CDH13: variants seen among roughly 807,000 people sequenced by gnomAD.
The protein encoded by CDH13 is cadherin-13.
CDH13 carries 24 observed loss-of-function variants against 63.8 expected under a neutral mutation model. The ratio of observed to expected loss-of-function variants is 0.38; its 90% confidence interval spans 0.27 to 0.53. CDH13 has a LOEUF of 0.53. CDH13 is among the 20% of genes least tolerant of loss of function. The pLI is 0.85. For missense variants in CDH13, 1,049 were observed against 903.1 expected (o/e 1.16, Z -2.07); for synonymous variants, 503 against 355.3 (o/e 1.42, Z -4.67).
intron 2 of CDH13, among the ~76,000 whole-genome samples, chr16:83,014,808 ATATATTTGTATATATATATTTG>A (rs1354802712): frequency 4.1e-4 from 33 of 80,728 alleles, no homozygotes; most frequent in East Asian, 2.4e-3. Flanking sequence ...ATATATGTAT[ATATATTTGTATATATATATTTG>A]TATATATATT....
intron 9 of CDH13, among the ~76,000 whole-genome samples, chr16:83,677,100 A>T (rs1915016541): frequency 1.3e-5 from 2 of 152,216 alleles, no homozygotes; most frequent in African/African-American, 4.8e-5. Flanking sequence ...TGATAGAAGC[A>T]GTATGCCCTC....
At chr16:83,602,098 G>GAA (rs1907866119) in intron 7 of CDH13, among the ~76,000 whole-genome samples, 1 of 6,638 alleles carries the variant, frequency 1.5e-4, no homozygotes, top group Non-Finnish European at 2.6e-4. Flanking sequence ...AAAAAAAAAA[G>GAA]AACAACAACA....
intron 7 of CDH13, among the ~76,000 whole-genome samples, chr16:83,595,405 C>T (rs1428189365): frequency 1.3e-5 from 2 of 152,118 alleles, no homozygotes; most frequent in Non-Finnish European, 2.9e-5. Context: ...TGGTCCTTGC[C>T]CTTGAAAACT....
At chr16:82,687,078 A>G (rs1292641219) in intron 1 of CDH13, among the ~76,000 whole-genome samples, 3 of 152,206 alleles carry the variant, frequency 2.0e-5, no homozygotes, top group African/African-American at 4.8e-5. Context: ...AGAGAGGGGA[A>G]TGGAACTGAG....
chr16:83,318,215 C>A (rs564894391), intron 5 of CDH13, among the ~76,000 whole-genome samples: 9 of 152,280 alleles, frequency 5.9e-5, no homozygotes, highest in African/African-American at 1.9e-4. Flanking sequence ...ATGTAGGGCT[C>A]ATTTCCAGTA....
intron 5 of CDH13, among the ~76,000 whole-genome samples, chr16:83,336,752 C>T (rs922547113): frequency 6.6e-5 from 10 of 152,168 alleles, no homozygotes; most frequent in African/African-American, 1.2e-4. Flanking sequence ...CATTTCTCTT[C>T]GGAATGACTC....
chr16:83,572,791 C>A (rs558853077), intron 7 of CDH13, among the ~76,000 whole-genome samples: 1 of 152,328 alleles, frequency 6.6e-6, no homozygotes, highest in African/African-American at 2.4e-5. Flanking sequence ...ATCATTTCTC[C>A]TATAAATTTC....
At chr16:82,713,444 G>C (rs1412488965) in intron 1 of CDH13, among the ~76,000 whole-genome samples, 1 of 152,114 alleles carries the variant, frequency 6.6e-6, no homozygotes, top group Admixed American at 6.5e-5. Context: ...GCGTCCCCCT[G>C]AAACCCTTTC....
intron 1 of CDH13, among the ~76,000 whole-genome samples, chr16:82,807,991 A>C (rs112897562): frequency 6.6e-6 from 1 of 152,146 alleles, no homozygotes; most frequent in East Asian, 1.9e-4. Flanking sequence ...ATATTCCCCA[A>C]TTACAGTATT....
intron 3 of CDH13, among the ~76,000 whole-genome samples, chr16:83,090,587 A>AT (rs1555582907): frequency 5.3e-5 from 8 of 150,998 alleles, no homozygotes; most frequent in East Asian, 1.9e-4. Context: ...AAAAAAAAAA[A>AT]AAATAAGTGC....
chr16:83,320,056 A>G lies in CDH13; in HGVS notation c.637-24806A>G, dbSNP rs573485407. ...ACTGTCTTGGACTGCCCGTTTGTTT[A>G]TGAGACAGGGTCTCATTCTGTCACT... On this transcript the variant is annotated intron_variant, in intron 5 of 13. Transcript: ENST00000567109. 5.3e-5 allele frequency among the ~76,000 whole-genome samples: 8 copies of G among 152,288 alleles called. No homozygotes were observed. In the Middle Eastern group the frequency reaches 0.01, roughly 194 times the overall value.
chr16:82,627,284 C>A, intron 1 of CDH13, 147 bp downstream of exon 1: 1 of 706,434 alleles, frequency 1.4e-6, no homozygotes, highest in Non-Finnish European at 2.5e-6. Context: ...GGAGGTCATT[C>A]CGAGCCCAGA....
intron 6 of CDH13, among the ~76,000 whole-genome samples, chr16:83,442,583 T>C (rs1239809751): frequency 6.6e-6 from 1 of 152,206 alleles, no homozygotes; most frequent in Non-Finnish European, 1.5e-5. Context: ...TATAGATTTA[T>C]AGTCAATACT....
At chr16:83,541,776 C>G (rs905786405) in intron 7 of CDH13, among the ~76,000 whole-genome samples, 2 of 152,194 alleles carry the variant, frequency 1.3e-5, no homozygotes, top group Admixed American at 6.5e-5. Flanking sequence ...GTTGCTCTGC[C>G]TAACATAAGA....
intron 8 of CDH13, among the ~76,000 whole-genome samples, chr16:83,643,368 T>G (rs1229507567): frequency 1.3e-5 from 2 of 151,896 alleles, no homozygotes; most frequent in Non-Finnish European, 1.5e-5. Context: ...CCTTCGTATA[T>G]ATCAAGTTCT....
chr16:82,666,203 A>C (rs1358716336), intron 1 of CDH13, among the ~76,000 whole-genome samples: 1 of 152,164 alleles, frequency 6.6e-6, no homozygotes, highest in Non-Finnish European at 1.5e-5. Flanking sequence ...GTTTATCCTT[A>C]GGTGTTTATT....
intron 2 of CDH13, among the ~76,000 whole-genome samples, chr16:82,996,943 T>A (rs984975475): frequency 8.6e-6 from 1 of 116,598 alleles, no homozygotes; most frequent in South Asian, 2.6e-4. Flanking sequence ...ATTACGATGG[T>A]GTTGTTGATG....
chr16:82,708,052 C>A (rs1010936478), intron 1 of CDH13, among the ~76,000 whole-genome samples: 1 of 152,148 alleles, frequency 6.6e-6, no homozygotes, highest in African/African-American at 2.4e-5. Context: ...CAGACGTCAC[C>A]TTGGGCATGG....
intron 7 of CDH13, among the ~76,000 whole-genome samples, chr16:83,596,958 C>G (rs1907320961): frequency 6.6e-6 from 1 of 152,198 alleles, no homozygotes; most frequent in Non-Finnish European, 1.5e-5. Flanking sequence ...CACGGTGTCT[C>G]ATGCCTATAA....
Sources: gnomAD v4.1 joint callset for allele counts (sites outside exome capture counted in the v4.1 genomes callset) on GRCh38, gnomAD v4.1.1 for gene constraint, MANE v1.5 for transcripts, NCBI Gene and HGNC (gene_info 2026-07-23, HGNC 2026-07-21) for gene names.